The following TRABD2B variants were observed in gnomAD, a reference collection of about 807,000 sequenced individuals.
TRABD2B encodes the protein TraB domain containing 2B.
TRABD2B carries 14 observed loss-of-function variants against 40.1 expected under a neutral mutation model. The observed-to-expected ratio is 0.35, with a 90% CI of 0.23 to 0.55. The LOEUF (loss-of-function observed/expected upper bound fraction) is 0.55. Ranked by LOEUF, TRABD2B falls within the 20% of genes least tolerant of loss-of-function variation. The probability of loss-of-function intolerance (pLI) is 0.90; values close to 1 mark genes in which losing one functional copy is unlikely to be tolerated. For missense variants in TRABD2B, 541 were observed against 648.6 expected, an observed-to-expected ratio of 0.83 and a Z score of 1.80; for synonymous variants, 263 against 277.0, an observed-to-expected ratio of 0.95 and a Z score of 0.50.
chr1:47,965,163 T>C (rs1333735396), intron 2 of TRABD2B, among the ~76,000 whole-genome samples: 1 of 124,022 alleles, frequency 8.1e-6, no homozygotes, highest in African/African-American at 3.0e-5. Flanking sequence ...CCAAAGCCAC[T>C]AGGGAACAGG....
chr1:47,961,433 G>C (rs1385875171), intron 2 of TRABD2B, among the ~76,000 whole-genome samples: 2 of 152,162 alleles, frequency 1.3e-5, no homozygotes, highest in Non-Finnish European at 2.9e-5. Context: ...GCAACCTACA[G>C]AATCGGAGAA....
intron 1 of TRABD2B, among the ~76,000 whole-genome samples, chr1:47,995,245 G>C (rs548273262): frequency 7.2e-5 from 11 of 152,258 alleles, no homozygotes; most frequent in African/African-American, 2.6e-4. Flanking sequence ...TCTTTTTGGA[G>C]GGCAGGTCTG....
chr1:47,978,270 A>C (rs910717032), intron 2 of TRABD2B, among the ~76,000 whole-genome samples: 1 of 152,184 alleles, frequency 6.6e-6, no homozygotes, highest in African/African-American at 2.4e-5. Flanking sequence ...CTCACCAGAC[A>C]CTGAATCTAC....
chr1:47,861,695 G>A (rs1255612445), intron 2 of TRABD2B, among the ~76,000 whole-genome samples: 1 of 152,146 alleles, frequency 6.6e-6, no homozygotes, highest in Non-Finnish European at 1.5e-5. Context: ...ATTTAGGAAA[G>A]AGATTATACC....
chr1:47,917,481 G>A (rs1457650278), intron 2 of TRABD2B, among the ~76,000 whole-genome samples: 1 of 152,176 alleles, frequency 6.6e-6, no homozygotes, highest in Non-Finnish European at 1.5e-5. Flanking sequence ...AACACTCTGA[G>A]AGGCCAAGGT....
intron 2 of TRABD2B, among the ~76,000 whole-genome samples, chr1:47,869,373 G>A (rs1053599323): frequency 4.6e-5 from 7 of 152,216 alleles, no homozygotes; most frequent in African/African-American, 1.7e-4. Flanking sequence ...GGTCTGCAAT[G>A]TGCTGGAAAG....
intron 2 of TRABD2B, among the ~76,000 whole-genome samples, chr1:47,865,162 G>C (rs566298414): frequency 1.3e-5 from 2 of 152,252 alleles, no homozygotes; most frequent in South Asian, 4.1e-4. Flanking sequence ...CCCTTCTTTT[G>C]AGCAACACTT....
Position 47,813,367 on chromosome 1 carries a change from AGAG to A in TRABD2B, c.667-11751_667-11749del, listed in dbSNP as rs1378198405. ...CCTCCAGGTGGCCAGGGATGGAAGG[AGAG>A]GAGTTGAGTCTGGGAGTGCTCAATA... On this transcript the variant is annotated intron_variant, in intron 2 of 6. Coordinates refer to ENST00000606738, the MANE Select transcript of TRABD2B (RefSeq NM_001194986.2). This position sits in a 1 kb window ranked among gnomAD's most constrained non-coding sequence, Gnocchi z 4.3. 1.3e-5 allele frequency among the ~76,000 whole-genome samples: 2 copies of A among 152,108 alleles called. No homozygotes were observed. Among genetic ancestry groups the A allele is most frequent in the Admixed American group, 1.3e-4 (2 of 15,268 alleles).
At chr1:47,989,434 C>G (rs1645967774) in intron 2 of TRABD2B, among the ~76,000 whole-genome samples, 1 of 152,184 alleles carries the variant, frequency 6.6e-6, no homozygotes, top group African/African-American at 2.4e-5. Context: ...AATAGTTACT[C>G]AGCACTTACT....
At chr1:47,794,079 G>A (rs1358870308) in intron 4 of TRABD2B, among the ~76,000 whole-genome samples, 1 of 152,154 alleles carries the variant, frequency 6.6e-6, no homozygotes, top group East Asian at 1.9e-4. Context: ...GATATTTTCA[G>A]TTCATCAAAT....
chr1:47,900,254 C>T (rs1169024047), intron 2 of TRABD2B, among the ~76,000 whole-genome samples: 2 of 152,042 alleles, frequency 1.3e-5, no homozygotes, highest in Non-Finnish European at 1.5e-5. Flanking sequence ...CCTGGCCAGC[C>T]CACAATACTC....
intron 2 of TRABD2B, among the ~76,000 whole-genome samples, chr1:47,815,644 G>A (rs935288985): frequency 6.6e-6 from 1 of 152,146 alleles, no homozygotes; most frequent in Non-Finnish European, 1.5e-5. Context: ...GCCTTTATTT[G>A]TCTTCCTCTT....
chr1:47,959,384 G>C (rs1268938534), intron 2 of TRABD2B, among the ~76,000 whole-genome samples: 2 of 152,112 alleles, frequency 1.3e-5, no homozygotes, highest in Non-Finnish European at 2.9e-5. Flanking sequence ...GAAGGAGATA[G>C]AGACACAAAA....
intron 2 of TRABD2B, among the ~76,000 whole-genome samples, chr1:47,866,594 A>G (rs1644061243): frequency 1.3e-5 from 2 of 152,172 alleles, no homozygotes; most frequent in African/African-American, 4.8e-5. Flanking sequence ...TACTATCACC[A>G]GCACAAACTT....
intron 2 of TRABD2B, among the ~76,000 whole-genome samples, chr1:47,927,819 G>A (rs1570305514): frequency 6.6e-6 from 1 of 152,208 alleles, no homozygotes; most frequent in African/African-American, 2.4e-5. Context: ...CATAGAAACT[G>A]AATGGAATGA....
Position 47,801,589 on chromosome 1 carries a change from G to A in TRABD2B, c.697C>T (p.Gln233Ter). ...VLFALNQTLL[Q>*]QESVRAGSLQ... is the part of the protein sequence containing the mutation. The stretch of plus-strand genomic sequence containing the variant: ...CTCCCGGCCCGCACACTCTCCTGCT[G>A]CAGCAGGGTTTGGTTCAGGGCAAAC... The change falls in exon 3 of 7, where the codon CAG becomes TAG. Residue 233 changes from glutamine to a stop codon, truncating the protein, a stop_gained. Coordinates refer to ENST00000606738, the MANE Select transcript of TRABD2B (RefSeq NM_001194986.2). LOFTEE classifies it high-confidence loss of function. The A allele has an allele frequency of 6.5e-7, 1 of 1,535,978 alleles. No homozygotes were observed. Among genetic ancestry groups the A allele is most frequent in the Non-Finnish European group, 8.7e-7 (1 of 1,146,804 alleles).
chr1:47,940,285 G>A (rs1004315211), intron 2 of TRABD2B, among the ~76,000 whole-genome samples: 7 of 152,180 alleles, frequency 4.6e-5, no homozygotes, highest in African/African-American at 1.2e-4. Context: ...TGTGCAGCAG[G>A]ATCACTCTCC....
chr1:47,969,283 T>C (rs1220433739), intron 2 of TRABD2B, among the ~76,000 whole-genome samples: 1 of 152,222 alleles, frequency 6.6e-6, no homozygotes, highest in African/African-American at 2.4e-5. Flanking sequence ...TGGGTATGTC[T>C]GCTTATAGGC....
chr1:47,988,173 T>C (rs886902521), intron 2 of TRABD2B, among the ~76,000 whole-genome samples: 1 of 152,012 alleles, frequency 6.6e-6, no homozygotes, highest in Non-Finnish European at 1.5e-5. Flanking sequence ...GACAGGAAAT[T>C]AGAGAATGGT....
Sources: allele counts gnomAD v4.1 joint callset (sites outside exome capture counted in the v4.1 genomes callset), GRCh38; gene constraint gnomAD v4.1.1; non-coding constraint Gnocchi (gnomAD v3.1); transcripts MANE v1.5; gene names NCBI Gene and HGNC (gene_info 2026-07-23, HGNC 2026-07-21).